Variants in PRKG1 observed in about 807,000 individuals in gnomAD.
PRKG1 encodes the protein protein kinase cGMP-dependent 1.
Under a neutral mutation model 88.1 loss-of-function variants are expected in PRKG1, and 35 were observed. The observed-to-expected ratio is 0.40, with a 90% CI of 0.30 to 0.53. The LOEUF (loss-of-function observed/expected upper bound fraction) is 0.53, where lower values mean the gene tolerates loss of function less well. Ranked by LOEUF, PRKG1 falls within the 20% of genes least tolerant of loss-of-function variation. The pLI is 0.59. For missense variants in PRKG1, 540 were observed against 839.8 expected, an observed-to-expected ratio of 0.64 and a Z score of 4.41; for synonymous variants, 303 against 292.5, an observed-to-expected ratio of 1.04 and a Z score of -0.37.
At chr10:51,303,622 A>G (rs10996699) in intron 2 of PRKG1, among the ~76,000 whole-genome samples, 28,207 of 151,990 alleles carry the variant, frequency 0.19, 3,324 homozygotes, top group East Asian at 0.46. Context: ...TTTTTAATAT[A>G]AACAGTGAAA....
chr10:52,164,364 G>GTAAATAAA (rs5784909), intron 9 of PRKG1, among the ~76,000 whole-genome samples: 3,886 of 148,950 alleles, frequency 0.026, 156 homozygotes, highest in African/African-American at 0.086. Context: ...AAATAAGTAA[G>GTAAATAAA]TAAATAAATA....
chr10:51,529,656 C>A (rs1841968410), intron 3 of PRKG1, among the ~76,000 whole-genome samples: 2 of 152,086 alleles, frequency 1.3e-5, no homozygotes, highest in South Asian at 4.1e-4. Context: ...CCTGACCCCC[C>A]TCACTGAAAT....
chr10:52,280,007 A>G (rs1283650094), intron 12 of PRKG1, among the ~76,000 whole-genome samples: 3 of 149,572 alleles, frequency 2.0e-5, no homozygotes, highest in Non-Finnish European at 2.9e-5. Context: ...ATTTCATTCA[A>G]TCAATCAATC....
At chr10:51,043,577 G>A (rs1254093624) in intron 1 of PRKG1, among the ~76,000 whole-genome samples, 1 of 152,158 alleles carries the variant, frequency 6.6e-6, no homozygotes, top group East Asian at 1.9e-4. Context: ...TCATCAGACT[G>A]TAAGGGGCAG....
chr10:51,128,676 G>A (rs1845491570), intron 1 of PRKG1, among the ~76,000 whole-genome samples: 1 of 152,136 alleles, frequency 6.6e-6, no homozygotes, highest in South Asian at 2.1e-4. Flanking sequence ...CTGATAAAGA[G>A]CCTTTTGTAG....
chr10:51,776,457 C>T (rs540608147), intron 3 of PRKG1, among the ~76,000 whole-genome samples: 17 of 152,148 alleles, frequency 1.1e-4, no homozygotes, highest in Admixed American at 4.6e-4. Flanking sequence ...TTTTAAGACC[C>T]AGTATAAATT....
intron 3 of PRKG1, among the ~76,000 whole-genome samples, chr10:51,577,070 C>T (rs1475857493): frequency 2.0e-5 from 3 of 151,916 alleles, no homozygotes; most frequent in South Asian, 4.1e-4. Context: ...TAATCACTTA[C>T]CATTTCTGAG....
chr10:51,924,239 T>C (rs984199681), intron 5 of PRKG1, among the ~76,000 whole-genome samples: 10 of 152,172 alleles, frequency 6.6e-5, no homozygotes, highest in African/African-American at 2.4e-4. Context: ...TGTTAACAAA[T>C]TCCCTCAATA....
rs1234312117 is a variant in PRKG1 at position 50,991,385 on chromosome 10, G to C, written c.7G>C (p.Glu3Gln). 1 of 1,534,108 alleles carries C rather than the reference G, an allele frequency of 6.5e-7. No individual in the cohort carries two copies. Among genetic ancestry groups the C allele is most frequent in the Non-Finnish European group, 8.8e-7 (1 of 1,140,372 alleles). The change falls in exon 1 of 18, where the codon GAG becomes CAG. Residue 3 changes from glutamate (E) to glutamine (Q), a missense_variant. By Grantham distance (29) the Glu-to-Gln change is conservative. Coordinates refer to the PRKG1 transcript ENST00000401604. This position sits in a 1 kb window ranked among gnomAD's most constrained non-coding sequence, Gnocchi z 4.5. The stretch of plus-strand genomic sequence containing the variant: ...GGAGGGGCTCAGTGAAAAAATGAGC[G>C]AGCTAGAGGAAGACTTTGCCAAGAT...
At chr10:51,044,174 T>C (rs1843459174) in intron 1 of PRKG1, among the ~76,000 whole-genome samples, 1 of 152,166 alleles carries the variant, frequency 6.6e-6, no homozygotes. Context: ...CTCTTATATC[T>C]TTCATCTTTT....
rs569967057 is a variant in PRKG1 at position 51,454,293 on chromosome 10, G to A, written c.479-13430G>A. Among the ~76,000 whole-genome samples the A allele has an allele frequency of 5.2e-4, 79 of 151,986 alleles. 3 individuals carry two copies. In the Middle Eastern group the frequency reaches 0.041, roughly 79 times the overall value. ...AAATGAGCCTGCCTAGCCAAAGCAA[G>A]GCTAAGCAAAATCGCAAATCTGGAG... On this transcript the variant is annotated intron_variant, in intron 2 of 17. Transcript: ENST00000373980.
At chr10:51,832,261 T>G (rs2132755089) in intron 4 of PRKG1, among the ~76,000 whole-genome samples, 1 of 152,348 alleles carries the variant, frequency 6.6e-6, no homozygotes, top group East Asian at 1.9e-4. Flanking sequence ...AAATTCATGC[T>G]TATTACACAA....
intron 2 of PRKG1, among the ~76,000 whole-genome samples, chr10:51,442,039 T>A (rs1185608307): frequency 9.9e-5 from 15 of 151,848 alleles, no homozygotes; most frequent in Admixed American, 9.9e-4. Context: ...AGCAAAAATG[T>A]GGGAAGTTTT....
intron 9 of PRKG1, among the ~76,000 whole-genome samples, chr10:52,224,206 G>A (rs1840321173): frequency 6.6e-6 from 1 of 152,052 alleles, no homozygotes; most frequent in East Asian, 1.9e-4. Flanking sequence ...TGCCTTCAGA[G>A]GAGACTGTTC....
chr10:51,021,320 G>T (rs1231527017), intron 1 of PRKG1, among the ~76,000 whole-genome samples: 1 of 152,182 alleles, frequency 6.6e-6, no homozygotes, highest in Non-Finnish European at 1.5e-5. Context: ...CAGGGAGTAA[G>T]GTCCTAATGA....
At chr10:51,508,100 C>G (rs1022509174) in intron 3 of PRKG1, among the ~76,000 whole-genome samples, 7 of 152,056 alleles carry the variant, frequency 4.6e-5, no homozygotes, top group Admixed American at 1.3e-4. Flanking sequence ...GTTACCTCAT[C>G]TGTAAAATGC....
At chr10:51,291,677 T>C (rs1223620092) in intron 2 of PRKG1, among the ~76,000 whole-genome samples, 1 of 151,852 alleles carries the variant, frequency 6.6e-6, no homozygotes, top group Non-Finnish European at 1.5e-5. Flanking sequence ...AAAGAAAGAG[T>C]GTTCTGTAAA....
intron 3 of PRKG1, among the ~76,000 whole-genome samples, chr10:51,694,608 A>T (rs992555823): frequency 4.6e-5 from 7 of 152,230 alleles, no homozygotes; most frequent in Non-Finnish European, 1.0e-4. Flanking sequence ...AATCCCAAAA[A>T]ACATGTACTG....
chr10:51,224,968 G>T (rs1251827452), intron 2 of PRKG1, among the ~76,000 whole-genome samples: 1 of 152,136 alleles, frequency 6.6e-6, no homozygotes, highest in Non-Finnish European at 1.5e-5. Context: ...AACTTCCAAA[G>T]AGCATATAAA....
Sources: gnomAD v4.1 joint callset for allele counts (sites outside exome capture counted in the v4.1 genomes callset) on GRCh38, gnomAD v4.1.1 for gene constraint, Gnocchi (gnomAD v3.1) non-coding constraint, MANE v1.5 for transcripts, NCBI Gene and HGNC (gene_info 2026-07-23, HGNC 2026-07-21) for gene names.